Variants in TPO observed in about 807,000 individuals in gnomAD.
TPO encodes the protein thyroid microsomal antigen.
In TPO, 78 loss-of-function variants were observed where a neutral mutation model predicts 96.9. The ratio of observed to expected loss-of-function variants is 0.81; its 90% CI spans 0.67 to 0.97. TPO has a LOEUF of 0.97. Ranked by LOEUF, TPO falls within the 50% of genes least tolerant of loss-of-function variation. The pLI is 0.00. For synonymous variants in TPO, 547 were observed against 538.0 expected, an observed-to-expected ratio of 1.02 and a Z score of -0.23; for missense variants, 1,252 against 1,274.8, an observed-to-expected ratio of 0.98 and a Z score of 0.27.
chr2:1,398,178 T>C (rs540427147), intron 1 of TPO, among the ~76,000 whole-genome samples: 2 of 152,156 alleles, frequency 1.3e-5, no homozygotes, highest in Non-Finnish European at 2.9e-5. Context: ...AGGGCTTCTG[T>C]CTTTTCCCCA....
chr2:1,475,548 C>G (rs1006557904), intron 7 of TPO, among the ~76,000 whole-genome samples: 9 of 152,222 alleles, frequency 5.9e-5, no homozygotes, highest in South Asian at 4.1e-4. Flanking sequence ...CTCAGCCTCC[C>G]GAGTAGCTGG....
At chr2:1,405,388 CT>C (rs1300460339) in intron 1 of TPO, among the ~76,000 whole-genome samples, 1 of 151,712 alleles carries the variant, frequency 6.6e-6, no homozygotes, top group Non-Finnish European at 1.5e-5. Flanking sequence ...CATCCACCCC[CT>C]CATCCATCCT....
At chr2:1,422,875 G>A (rs897703257) in intron 2 of TPO, among the ~76,000 whole-genome samples, 170 bp from the exon 3 acceptor site, 36 of 152,158 alleles carry the variant, frequency 2.4e-4, no homozygotes, top group African/African-American at 8.4e-4. Context: ...CCTCTGTAGC[G>A]GGGAAGTGAA....
intron 5 of TPO, among the ~76,000 whole-genome samples, chr2:1,440,484 C>T (rs1182367811): frequency 6.6e-6 from 1 of 152,228 alleles, no homozygotes; most frequent in Non-Finnish European, 1.5e-5. Flanking sequence ...ACCATTTCAC[C>T]TGGACATTTT....
At chr2:1,409,062 T>G (rs541954432), upstream of TPO, among the ~76,000 whole-genome samples, 2 of 152,168 alleles carry the variant, frequency 1.3e-5, no homozygotes, top group African/African-American at 4.8e-5. Flanking sequence ...CCAGAGTCCA[T>G]GAGAGGAGCT....
chr2:1,517,913 G>A (rs969873581), intron 15 of TPO, among the ~76,000 whole-genome samples: 7 of 152,000 alleles, frequency 4.6e-5, no homozygotes, highest in Admixed American at 2.0e-4. Context: ...ACAGTTTCTC[G>A]GCTTCTGCTC....
At chr2:1,460,587 AAAG>A (rs1194880206) in intron 7 of TPO, among the ~76,000 whole-genome samples, 1 of 152,334 alleles carries the variant, frequency 6.6e-6, no homozygotes, top group East Asian at 1.9e-4. Flanking sequence ...TTGTCCATAA[AAAG>A]AGTATATTTC....
chr2:1,462,541 C>CACACACACACACACACACACAT lies in TPO; in HGVS notation c.819+6260_819+6261insCACACACACACACACACACATA, dbSNP rs58980999. Among the ~76,000 whole-genome samples, 268 of 148,002 alleles carry CACACACACACACACACACACAT rather than the reference C, an allele frequency of 1.8e-3. 14 individuals are homozygous for CACACACACACACACACACACAT. The highest frequency in any genetic ancestry group is 6.5e-3 in the African/African-American group (257 of 39,358). On this transcript the variant is annotated intron_variant, in intron 7 of 16. Transcript: ENST00000329066. The stretch of plus-strand genomic sequence containing the variant: ...AAACACACACACACACACACACACA[C>CACACACACACACACACACACAT]AGATATCAATGAAAGATAAATGAAC...
At chr2:1,410,949 A>T (rs35743195), upstream of TPO, among the ~76,000 whole-genome samples, 1 of 151,982 alleles carries the variant, frequency 6.6e-6, no homozygotes, top group African/African-American at 2.4e-5. Context: ...CGTCTTCCCA[A>T]TGCTCCTTTC....
chr2:1,477,385 G>A lies in TPO; in HGVS notation c.1119G>A (p.Ala373=), dbSNP rs1167826982. 2.6e-6 allele frequency: 4 copies of A among 1,529,010 alleles called. No individual in the cohort carries two copies. The highest frequency in any genetic ancestry group is 5.0e-5 in the East Asian group (2 of 40,186). The allele number at this position is 1,529,010 out of a possible 1,614,324, so 94.7% of individuals were successfully genotyped here. The change falls in exon 8 of 17, where the codon GCG becomes GCA. Residue 373 remains alanine (A), a synonymous_variant. Coordinates refer to ENST00000329066, the MANE Select transcript of TPO (RefSeq NM_001206744.2). ...CCTTCGTGCCGCCACGCGCGCCTGCGGCCTGTGCGCCCGAGCCCGGCATCC... is the reference window on the plus strand; with the variant it reads ...CCTTCGTGCCGCCACGCGCGCCTGCAGCCTGTGCGCCCGAGCCCGGCATCC... ...YLPFVPPRAP[A]ACAPEPGIPG...
intron 14 of TPO, among the ~76,000 whole-genome samples, chr2:1,516,333 C>A (rs28913006): frequency 0.059 from 8,913 of 152,308 alleles, 333 homozygotes; most frequent in East Asian, 0.17. Flanking sequence ...CTGCTGCCAT[C>A]CCGTGCCCCC....
At chr2:1,382,160 G>T (rs558105615) in intron 1 of TPO, among the ~76,000 whole-genome samples, 1 of 152,128 alleles carries the variant, frequency 6.6e-6, no homozygotes, top group Admixed American at 6.5e-5. Context: ...CGATGCCCAC[G>T]TAGAACCCGG....
Position 1,489,686 on chromosome 2 carries a change from T to TGAA in TPO, c.1768+1695_1768+1696insGAA, listed in dbSNP as rs1671533393. The stretch of plus-strand genomic sequence containing the variant: ...AATGAATGAATGAATGAATGAATGT[T>TGAA]TGGGCAAATAAACGCTGACAAGGAC... On this transcript the variant is annotated intron_variant, in intron 10 of 16. Coordinates refer to ENST00000329066, the MANE Select transcript of TPO (RefSeq NM_001206744.2). 4.1e-5 allele frequency among the ~76,000 whole-genome samples: 4 copies of TGAA among 98,402 alleles called. No homozygotes were observed. In the South Asian group the frequency reaches 1.1e-3, roughly 28 times the overall value. 64.6% of individuals were successfully genotyped at this position (98,402 alleles called of 152,430 possible).
At chr2:1,401,028 TCCTTGTAGGTCTGGATACTCCTCA>T (rs146404478) in intron 1 of TPO, among the ~76,000 whole-genome samples, 3,838 of 152,260 alleles carry the variant, frequency 0.025, 178 homozygotes, top group African/African-American at 0.088. Context: ...CTGATGTCTG[TCCTTGTAGGTCTGGATACTCCTCA>T]CCTTGCTGTA....
intron 15 of TPO, among the ~76,000 whole-genome samples, chr2:1,539,971 TAC>T (rs1318938811): frequency 1.5e-4 from 23 of 152,320 alleles, no homozygotes; most frequent in African/African-American, 4.8e-4. Flanking sequence ...GTTTTGTACT[TAC>T]AGTTAAATCC....
intron 1 of TPO, among the ~76,000 whole-genome samples, chr2:1,406,633 T>C (rs1262523806): frequency 6.6e-6 from 1 of 152,224 alleles, no homozygotes; most frequent in African/African-American, 2.4e-5. Context: ...TTCCTCTCTA[T>C]TAATCTCACT....
At position 1,487,805 on chromosome 2, in the gene TPO, G is replaced by A. The variant is rs1671318002; in HGVS notation, c.1598-16G>A. On this transcript the variant is annotated splice_polypyrimidine_tract_variant and intron_variant, in intron 9 of 16. Coordinates refer to ENST00000329066, the MANE Select transcript of TPO (RefSeq NM_001206744.2). ...GAGCCAAGAGCTGTCCTTGCCTTGT[G>A]CATGGTATTTTCCAGGTGGTTTGGA... is the stretch of plus-strand genomic sequence containing the variant. The A allele has an allele frequency of 6.2e-7, 1 of 1,614,186 alleles. No individual in the cohort carries two copies. Among genetic ancestry groups the A allele is most frequent in the Non-Finnish European group, 8.5e-7 (1 of 1,180,034 alleles).
chr2:1,457,392 CAT>C (rs762720844), intron 7 of TPO, among the ~76,000 whole-genome samples: 2,466 of 35,192 alleles, frequency 0.07, 186 homozygotes, highest in East Asian at 0.16. Context: ...TGTGGGTACA[CAT>C]ATATATAGCA....
chr2:1,436,212 G>A, intron 4 of TPO, 40 bp from the exon 5 acceptor site: 1 of 1,613,890 alleles, frequency 6.2e-7, no homozygotes. Flanking sequence ...GTGGATTTGT[G>A]GTTACAAGCA....
Sources: gnomAD v4.1 joint callset for allele counts (sites outside exome capture counted in the v4.1 genomes callset) on GRCh38, gnomAD v4.1.1 for gene constraint, MANE v1.5 for transcripts, NCBI Gene and HGNC (gene_info 2026-07-23, HGNC 2026-07-21) for gene names.